PLCB4: variants seen among roughly 807,000 people sequenced by gnomAD.
PLCB4 encodes the protein 1-phosphatidylinositol 4,5-bisphosphate phosphodiesterase beta-4.
Under a neutral mutation model 178.8 loss-of-function variants are expected in PLCB4, and 77 were observed. The ratio of observed to expected loss-of-function variants is 0.43; its 90% CI spans 0.36 to 0.52. PLCB4 has a LOEUF of 0.52. Ranked by LOEUF, PLCB4 falls within the 20% of genes least tolerant of loss-of-function variation. The pLI is 0.00. For missense variants in PLCB4, 1,024 were observed against 1,453.4 expected (o/e 0.70, Z 4.80); for synonymous variants, 496 against 490.8 (o/e 1.01, Z -0.14).
intron 6 of PLCB4, among the ~76,000 whole-genome samples, 195 bp downstream of exon 6, chr20:9,338,262 CT>C (rs1316260395): frequency 6.6e-6 from 1 of 152,176 alleles, no homozygotes; most frequent in African/African-American, 2.4e-5. Context: ...TGACTCTCCT[CT>C]GGTGAGAGAG....
At position 9,172,362 on chromosome 20, in the gene PLCB4, A is replaced by G. The variant is rs146975620; in HGVS notation, c.-78-45028A>G. Among the ~76,000 whole-genome samples the G allele has an allele frequency of 7.5e-3, 1,145 of 152,232 alleles. 10 individuals carry two copies. Among genetic ancestry groups the G allele is most frequent in the South Asian group, 0.015 (70 of 4,818 alleles). ...CTTACTCATTTTCTACATACATCCT[A>G]CCTATCCTTGAAAGTTAAGCATAAA... is the stretch of plus-strand genomic sequence containing the variant. On this transcript the variant is annotated intron_variant, in intron 2 of 39. Coordinates refer to ENST00000378473, the MANE Select transcript of PLCB4 (RefSeq NM_001377142.1).
chr20:9,445,725 G>A (rs1010601853), intron 32 of PLCB4, among the ~76,000 whole-genome samples: 1 of 152,188 alleles, frequency 6.6e-6, no homozygotes, highest in Non-Finnish European at 1.5e-5. Flanking sequence ...GGGGTTATTG[G>A]AGACAGAACA....
At chr20:9,241,539 A>G (rs2094062087) in intron 3 of PLCB4, among the ~76,000 whole-genome samples, 1 of 152,210 alleles carries the variant, frequency 6.6e-6, no homozygotes, top group African/African-American at 2.4e-5. Context: ...ACCAACACTG[A>G]ATATAATTTT....
At chr20:9,245,056 ATGGGACAAC>A (rs1884124217) in intron 3 of PLCB4, among the ~76,000 whole-genome samples, 1 of 152,088 alleles carries the variant, frequency 6.6e-6, no homozygotes, top group South Asian at 2.1e-4. Flanking sequence ...TAGGTTGAGG[ATGGGACAAC>A]TGTGCCATGT....
At chr20:9,297,532 A>G (rs976857187) in intron 3 of PLCB4, among the ~76,000 whole-genome samples, 1 of 152,116 alleles carries the variant, frequency 6.6e-6, no homozygotes, top group Non-Finnish European at 1.5e-5. Context: ...AAAAAAGATT[A>G]ATATACAAAC....
At chr20:9,475,551 G>A (rs142431568) in intron 38 of PLCB4, among the ~76,000 whole-genome samples, 77 of 152,268 alleles carry the variant, frequency 5.1e-4, no homozygotes, top group African/African-American at 1.8e-3. Flanking sequence ...ACATGAAAAG[G>A]CTTGAGACCT....
chr20:9,313,960 C>A (rs1179113257), intron 4 of PLCB4, among the ~76,000 whole-genome samples: 1 of 152,124 alleles, frequency 6.6e-6, no homozygotes, highest in Non-Finnish European at 1.5e-5. Context: ...GGGACTGGCC[C>A]CAGAAGCCTC....
chr20:9,270,789 C>G (rs2094395319), intron 3 of PLCB4, among the ~76,000 whole-genome samples: 1 of 151,872 alleles, frequency 6.6e-6, no homozygotes, highest in African/African-American at 2.4e-5. Flanking sequence ...CTAGAATGTA[C>G]CAAGTGCCCA....
intron 32 of PLCB4, 148 bp from the exon 33 acceptor site, chr20:9,453,199 G>C: frequency 1.8e-6 from 1 of 551,858 alleles, no homozygotes; most frequent in East Asian, 2.9e-5. Context: ...TTGAATGGGA[G>C]ATCTGGAGTC....
intron 7 of PLCB4, among the ~76,000 whole-genome samples, chr20:9,358,736 G>A (rs112855116): frequency 2.8e-4 from 42 of 151,828 alleles, no homozygotes; most frequent in African/African-American, 9.7e-4. Flanking sequence ...TCTACTAAGA[G>A]TACAAAAAAA....
intron 27 of PLCB4, among the ~76,000 whole-genome samples, chr20:9,423,476 A>G (rs1358743686): frequency 6.6e-6 from 1 of 152,212 alleles, no homozygotes; most frequent in East Asian, 1.9e-4. Flanking sequence ...GACAAGGATC[A>G]ATCACAAGGG....
At chr20:9,325,334 A>C (rs778096440) in intron 4 of PLCB4, among the ~76,000 whole-genome samples, 30 of 152,274 alleles carry the variant, frequency 2.0e-4, no homozygotes, top group Admixed American at 9.2e-4. Flanking sequence ...TTGCTAAGGC[A>C]ACTGTTTTGA....
At position 9,233,864 on chromosome 20, in the gene PLCB4, G is replaced by A. The variant is rs143383622; in HGVS notation, c.-16+16412G>A. ...GTTTGTTGTTTGTTTGTTTTAAATG[G>A]AATGGGAATTTATCGATAGGCATGC... On this transcript the variant is annotated intron_variant, in intron 3 of 39. Coordinates refer to ENST00000378473, the MANE Select transcript of PLCB4 (RefSeq NM_001377142.1). 1.3e-4 allele frequency among the ~76,000 whole-genome samples: 20 copies of A among 152,206 alleles called. No individual in the cohort carries two copies. In the East Asian group the frequency reaches 3.9e-3, roughly 29 times the overall value.
chr20:9,436,954 G>T, intron 29 of PLCB4, 48 bp from the exon 30 acceptor site: 1 of 1,570,536 alleles, frequency 6.4e-7, no homozygotes, highest in South Asian at 1.1e-5. Context: ...CAAGATATTT[G>T]ACCTTGAGTG....
chr20:9,347,316 T>G (rs370782250), intron 7 of PLCB4, among the ~76,000 whole-genome samples: 1 of 152,194 alleles, frequency 6.6e-6, no homozygotes, highest in African/African-American at 2.4e-5. Flanking sequence ...TAACGTGGAT[T>G]TTTTACATGA....
At chr20:9,464,739 T>G (rs1210507309) in intron 35 of PLCB4, among the ~76,000 whole-genome samples, 3 of 151,268 alleles carry the variant, frequency 2.0e-5, no homozygotes, top group African/African-American at 7.3e-5. Context: ...CTGGAAGAAG[T>G]TGAATCTCTG....
At chr20:9,326,652 C>T (rs1226106474) in intron 4 of PLCB4, among the ~76,000 whole-genome samples, 1 of 152,110 alleles carries the variant, frequency 6.6e-6, no homozygotes, top group Non-Finnish European at 1.5e-5. Context: ...CACTATACCC[C>T]AACATGCACT....
At chr20:9,246,539 CT>C (rs2094127933) in intron 3 of PLCB4, among the ~76,000 whole-genome samples, 1 of 152,020 alleles carries the variant, frequency 6.6e-6, no homozygotes, top group Non-Finnish European at 1.5e-5. Context: ...GTAATGTTGT[CT>C]AAGTACAATT....
intron 2 of PLCB4, among the ~76,000 whole-genome samples, chr20:9,117,253 A>C (rs776582917): frequency 2.6e-5 from 4 of 152,222 alleles, no homozygotes; most frequent in Non-Finnish European, 5.9e-5. Flanking sequence ...ACCTTCATAC[A>C]TTTTTTCACC....
Sources: allele counts gnomAD v4.1 joint callset (sites outside exome capture counted in the v4.1 genomes callset), GRCh38; gene constraint gnomAD v4.1.1; transcripts MANE v1.5; gene names NCBI Gene and HGNC (gene_info 2026-07-23, HGNC 2026-07-21).